Variants in SLC25A1 observed in about 807,000 individuals in gnomAD.
SLC25A1 encodes the protein solute carrier family 25 member 1.
In SLC25A1, 26 loss-of-function variants were observed where a neutral mutation model predicts 38.1. The observed-to-expected ratio is 0.68, with a 90% CI of 0.50 to 0.95. The LOEUF is 0.95. SLC25A1 is among the 40% of genes least tolerant of loss of function. The pLI is 0.00. For missense variants in SLC25A1, 378 were observed against 426.6 expected, an observed-to-expected ratio of 0.89 and a Z score of 1.00; for synonymous variants, 211 against 183.2, an observed-to-expected ratio of 1.15 and a Z score of -1.23.
chr22:19,177,893 C>T, intron 3 of SLC25A1, 28 bp from the exon 4 acceptor site: 2 of 1,584,080 alleles, frequency 1.3e-6, no homozygotes, highest in Non-Finnish European at 1.7e-6. Flanking sequence ...GTGAGAGGGG[C>T]TGCCGCGGCC....
Position 19,176,830 on chromosome 22 carries a change from T to C in SLC25A1, c.631+16A>G, listed in dbSNP as rs1201127289. ...CTGGCCATGTGCAGAGATGGGGCCC[T>C]GTGATGCAGACACACCTCGGTACCA... On this transcript the variant is annotated intron_variant, in intron 6 of 8. Transcript: ENST00000215882. 1 of 1,612,704 alleles carries C rather than the reference T, an allele frequency of 6.2e-7. No individual in the cohort carries two copies. Among genetic ancestry groups the C allele is most frequent in the Non-Finnish European group, 8.5e-7 (1 of 1,179,146 alleles).
chr22:19,178,110 C>T lies in SLC25A1; in HGVS notation c.202+23G>A. On this transcript the variant is annotated intron_variant, in intron 2 of 8. Transcript: ENST00000215882. This position sits in a 1 kb window ranked among gnomAD's most constrained non-coding sequence, Gnocchi z 4.9. ...CGCCCTGGGTACCCGCCCCCCGCGG[C>T]GCCGCGGCCTCCCCCTCCTCACCGA... 2 of 1,531,780 alleles carry T rather than the reference C, an allele frequency of 1.3e-6. No individual in the cohort carries two copies. Among genetic ancestry groups the T allele is most frequent in the South Asian group, 2.4e-5 (2 of 82,404 alleles). 94.9% of individuals were successfully genotyped at this position (1,531,780 alleles called of 1,614,324 possible). A position where few individuals can be genotyped will look rare whatever the true frequency, so the allele number is the denominator to read the frequency against.
At chr22:19,177,261 T>C in intron 4 of SLC25A1, 57 bp from the exon 5 acceptor site, 1 of 1,444,494 alleles carries the variant, frequency 6.9e-7, no homozygotes, top group Non-Finnish European at 9.7e-7. Flanking sequence ...GGGTCCTGGC[T>C]AGCTGGCAGG....
chr22:19,176,303 G>A (rs1487137553), intron 8 of SLC25A1, 59 bp from the exon 9 acceptor site: 2 of 1,550,968 alleles, frequency 1.3e-6, no homozygotes, highest in Non-Finnish European at 1.8e-6. Flanking sequence ...CCTGCACAGG[G>A]CAATCCCCAG....
At chr22:19,177,700 C>CG in intron 4 of SLC25A1, 27 bp downstream of exon 4, 1 of 1,603,374 alleles carries the variant, frequency 6.2e-7, no homozygotes, top group South Asian at 1.1e-5. Flanking sequence ...CCTGCGTGTC[C>CG]GGGGTCCTCG....
At chr22:19,176,779 G>A in intron 6 of SLC25A1, 67 bp downstream of exon 6, 1 of 1,597,538 alleles carries the variant, frequency 6.3e-7, no homozygotes, top group Non-Finnish European at 8.6e-7. Context: ...CGCCACCCAG[G>A]GGTGGCCCCA....
Position 19,178,363 on chromosome 22 carries a change from G to T in SLC25A1, c.95-123C>A, listed in dbSNP as rs2084006363. On this transcript the variant is annotated intron_variant, in intron 1 of 8. Coordinates refer to ENST00000215882, the MANE Select transcript of SLC25A1 (RefSeq NM_005984.5). The surrounding 1 kb of genome is among the most constrained non-coding windows in gnomAD (Gnocchi z 4.9). ...CAGTGCCGCGGGGAACATAGGCTGG[G>T]GCCCCACGCCCCCATGCCCTCACCC... The T allele has an allele frequency of 6.8e-7, 1 of 1,478,356 alleles. No individual in the cohort carries two copies. The highest frequency in any genetic ancestry group is 2.6e-5 in the East Asian group (1 of 37,846). The allele number at this position is 1,478,356 out of a possible 1,614,324, so 91.6% of individuals were successfully genotyped here.
chr22:19,178,116 G>T lies in SLC25A1; in HGVS notation c.202+17C>A, dbSNP rs57827877. 16,930 of 1,533,848 alleles carry T rather than the reference G, an allele frequency of 0.011. 284 individuals carry two copies. The highest frequency in any genetic ancestry group is 0.068 in the East Asian group (2,700 of 39,726). The stretch of plus-strand genomic sequence containing the variant: ...GGGTACCCGCCCCCCGCGGCGCCGC[G>T]GCCTCCCCCTCCTCACCGATGCCCC... On this transcript the variant is annotated intron_variant, in intron 2 of 8. Transcript: ENST00000215882. The surrounding 1 kb of genome is among the most constrained non-coding windows in gnomAD (Gnocchi z 4.9).
Position 19,176,866 on chromosome 22 carries a change from G to A in SLC25A1, c.611C>T (p.Ser204Phe), listed in dbSNP as rs2083969131. The A allele has an allele frequency of 2.5e-6, 4 of 1,613,778 alleles. No individual in the cohort carries two copies. In the East Asian group the frequency reaches 6.7e-5, roughly 27 times the overall value. The change falls in exon 6 of 9, where the codon TCC becomes TTC. Residue 204 changes from serine to phenylalanine, a missense_variant. By Grantham distance (155) the Ser-to-Phe change is radical. Coordinates refer to ENST00000215882, the MANE Select transcript of SLC25A1 (RefSeq NM_005984.5). ...NQAIRFFVMT[S>F]LRNWYRGDNP... ...CACACCTCGGTACCAGTTGCGCAGG[G>A]AGGTCATGACGAAGAAGCGGATGGC...
chr22:19,177,144 C>T lies in SLC25A1; in HGVS notation c.502G>A (p.Val168Ile), dbSNP rs1555922629. 4 of 1,614,106 alleles carry T rather than the reference C, an allele frequency of 2.5e-6. No homozygotes were observed. The highest frequency in any genetic ancestry group is 3.4e-6 in the Non-Finnish European group (4 of 1,179,972). Residue 168 changes from valine (V) to isoleucine (I), a missense_variant, in exon 5 of 9, where the codon GTT (valine) becomes ATT (isoleucine). Coordinates refer to ENST00000215882, the MANE Select transcript of SLC25A1 (RefSeq NM_005984.5). ...CCTTGTTCCCGCACAATCTCCCTAA[C>T]CCCGTGGAAGAATCCTCTGTACTTG... ...NPKYRGFFHG[V>I]REIVREQGLK...
rs374511541 is a variant in SLC25A1 at position 19,176,435 on chromosome 22, C to T, written c.807G>A (p.Lys269=). 6.2e-7 allele frequency: 1 copy of T among 1,613,658 alleles called. No individual in the cohort carries two copies. The highest frequency in any genetic ancestry group is 1.7e-5 in the Admixed American group (1 of 60,030). Residue 269 remains lysine (K), a synonymous_variant, in exon 8 of 9, where the codon AAG becomes AAA. Coordinates refer to ENST00000215882, the MANE Select transcript of SLC25A1 (RefSeq NM_005984.5). ...CCCCCACTCACGCCTTGAGCCCCTC[C>T]TTCTTCAGGATCTGCAAGCCGCAGT... ...TWDCGLQILK[K]EGLKAFYKGT...
In SLC25A1 at chr22:19,178,429, G is replaced by T. The variant is rs949938975; in HGVS notation, c.94+151C>A. ...GCGCAGGGGGTGACAGACGGGAGGCGGGCGAGTCCCAGCGCGCCGGGTGGG... is the reference window on the plus strand; with the variant it reads ...GCGCAGGGGGTGACAGACGGGAGGCTGGCGAGTCCCAGCGCGCCGGGTGGG... On this transcript the variant is annotated intron_variant, in intron 1 of 8. Transcript: ENST00000215882. This position sits in a 1 kb window ranked among gnomAD's most constrained non-coding sequence, Gnocchi z 4.9. 2.2e-6 allele frequency: 3 copies of T among 1,375,326 alleles called. No homozygotes were observed. In the African/African-American group the frequency reaches 4.6e-5, roughly 21 times the overall value. 85.2% of individuals were successfully genotyped at this position (1,375,326 alleles called of 1,614,324 possible). A position where few individuals can be genotyped will look rare whatever the true frequency, so the allele number is the denominator to read the frequency against.
Position 19,178,554 on chromosome 22 carries a change from G to C in SLC25A1, c.94+26C>G. On this transcript the variant is annotated intron_variant, in intron 1 of 8. Transcript: ENST00000215882. The surrounding 1 kb of genome is among the most constrained non-coding windows in gnomAD (Gnocchi z 4.9). ...GCCCACCCAGAAGCGCGGCGGGAGA[G>C]GGGTCCGCGTCCCGGAGGGGCCCAC... 1 of 1,250,416 alleles carries C rather than the reference G, an allele frequency of 8.0e-7. No homozygotes were observed. The highest frequency in any genetic ancestry group is 4.3e-5 in the Admixed American group (1 of 23,262). The allele number at this position is 1,250,416 out of a possible 1,614,324, so 77.5% of individuals were successfully genotyped here. A position where few individuals can be genotyped will look rare whatever the true frequency, so the allele number is the denominator to read the frequency against.
At chr22:19,177,313 C>G (rs2083976106) in intron 4 of SLC25A1, 109 bp from the exon 5 acceptor site, 1 of 930,142 alleles carries the variant, frequency 1.1e-6, no homozygotes, top group Non-Finnish European at 1.7e-6. Flanking sequence ...GAACTCTTCC[C>G]CAGGAAGCAG....
Position 19,176,023 on chromosome 22 carries a change from G to A in SLC25A1, c.*107C>T, listed in dbSNP as rs1475372773. 1 of 861,678 alleles carries A rather than the reference G, an allele frequency of 1.2e-6. No individual in the cohort carries two copies. The highest frequency in any genetic ancestry group is 2.0e-6 in the Non-Finnish European group (1 of 512,592). The allele number at this position is 861,678 out of a possible 1,614,324, so 53.4% of individuals were successfully genotyped here. A position where few individuals can be genotyped will look rare whatever the true frequency, so the allele number is the denominator to read the frequency against. On this transcript the variant is annotated 3_prime_UTR_variant, in exon 9 of 9. Transcript: ENST00000215882. ...GCACAGACCAGGCTACAGAGCTCGA[G>A]GGACGTGGGAAGGGGCCTTTTGGCA...
In SLC25A1 at chr22:19,178,500, G is replaced by A; in HGVS notation, c.94+80C>T. ...GACTCCCCAGCCCACGGCCCAACCCGGAAGTGGGGCGGGGCCTCAGCGTCC... is the reference window on the plus strand; with the variant it reads ...GACTCCCCAGCCCACGGCCCAACCCAGAAGTGGGGCGGGGCCTCAGCGTCC... On this transcript the variant is annotated intron_variant, in intron 1 of 8. Transcript: ENST00000215882. The surrounding 1 kb of genome is among the most constrained non-coding windows in gnomAD (Gnocchi z 4.9). The A allele has an allele frequency of 4.5e-6, 6 of 1,321,286 alleles. No individual in the cohort carries two copies. The highest frequency in any genetic ancestry group is 5.8e-6 in the Non-Finnish European group (6 of 1,039,958). The allele number at this position is 1,321,286 out of a possible 1,614,324, so 81.8% of individuals were successfully genotyped here.
chr22:19,177,803 G>C lies in SLC25A1; in HGVS notation c.365C>G (p.Thr122Arg), dbSNP rs782081394. ...GCCCAGGCCGCACAGCAGCCCACGC[G>C]TGCTGTCCAGCCGTCCCTGGGCATC... ...MRDAQGRLDS[T>R]RGLLCGLGAG... is the part of the protein sequence containing the mutation. Residue 122 changes from threonine to arginine, a missense_variant, in exon 4 of 9, where the codon ACG becomes AGG. Thr to Arg is a moderately conservative substitution (Grantham distance 71, BLOSUM62 -1). Coordinates refer to ENST00000215882, the MANE Select transcript of SLC25A1 (RefSeq NM_005984.5). 4 of 1,610,814 alleles carry C rather than the reference G, an allele frequency of 2.5e-6. No individual in the cohort carries two copies. The highest frequency in any genetic ancestry group is 2.2e-5 in the East Asian group (1 of 44,840).
rs1013989679 is a variant in SLC25A1, at chr22:19,177,904, G to A, written c.302+38C>T. 11 of 1,581,978 alleles carry A rather than the reference G, an allele frequency of 7.0e-6. No individual in the cohort carries two copies. In the Admixed American group the frequency reaches 7.4e-5, roughly 11 times the overall value. ...GCGGGTGAGAGGGGCTGCCGCGGCCGAGCCCCCCTCCCGCAGCAGCCACCG... is the reference window on the plus strand; with the variant it reads ...GCGGGTGAGAGGGGCTGCCGCGGCCAAGCCCCCCTCCCGCAGCAGCCACCG... On this transcript the variant is annotated intron_variant, in intron 3 of 8. Transcript: ENST00000215882.
chr22:19,178,573 G>C lies in SLC25A1; in HGVS notation c.94+7C>G. 8.1e-7 allele frequency: 1 copy of C among 1,232,822 alleles called. No individual in the cohort carries two copies. Among genetic ancestry groups the C allele is most frequent in the Non-Finnish European group, 1.0e-6 (1 of 987,894 alleles). The allele number at this position is 1,232,822 out of a possible 1,614,324, so 76.4% of individuals were successfully genotyped here. ...GGGAGAGGGGTCCGCGTCCCGGAGG[G>C]GCCCACCTGCCAGGATCGCCTTCCC... On this transcript the variant is annotated splice_region_variant and intron_variant, in intron 1 of 8. Coordinates refer to ENST00000215882, the MANE Select transcript of SLC25A1 (RefSeq NM_005984.5). The surrounding 1 kb of genome is among the most constrained non-coding windows in gnomAD (Gnocchi z 4.9).
Sources: allele counts gnomAD v4.1 joint callset, GRCh38; gene constraint gnomAD v4.1.1; non-coding constraint Gnocchi (gnomAD v3.1); transcripts MANE v1.5; gene names NCBI Gene and HGNC (gene_info 2026-07-23, HGNC 2026-07-21).